The following MPPED2 variants were observed in gnomAD, a reference collection of about 807,000 sequenced individuals.
MPPED2 encodes the protein metallophosphoesterase domain containing 2.
A neutral mutation model predicts 33.0 loss-of-function variants in MPPED2; 5 were observed. The ratio of observed to expected loss-of-function variants is 0.15; its 90% CI spans 0.08 to 0.32. The LOEUF (loss-of-function observed/expected upper bound fraction) is 0.32, where lower values mean the gene tolerates loss of function less well. Among genes scored for constraint, MPPED2 ranks in the 10% least tolerant of loss-of-function variants. The pLI, the probability that MPPED2 is intolerant of heterozygous loss-of-function variation, is 1.00. For missense variants in MPPED2, 275 were observed against 372.1 expected (o/e 0.74, Z 2.15); for synonymous variants, 136 against 141.9 (o/e 0.96, Z 0.29).
chr11:30,462,823 C>T (rs1229517887), intron 4 of MPPED2, among the ~76,000 whole-genome samples: 2 of 152,176 alleles, frequency 1.3e-5, no homozygotes, highest in Non-Finnish European at 2.9e-5. Context: ...GAAAAGGGCA[C>T]AGTCCCTATC....
chr11:30,448,439 A>C (rs547644055), intron 4 of MPPED2, among the ~76,000 whole-genome samples: 1 of 152,266 alleles, frequency 6.6e-6, no homozygotes, highest in African/African-American at 2.4e-5. Flanking sequence ...CTATGGTCTG[A>C]AGCCCAGGCT....
intron 2 of MPPED2, among the ~76,000 whole-genome samples, chr11:30,560,589 C>G (rs963010771): frequency 6.6e-6 from 1 of 152,072 alleles, no homozygotes; most frequent in African/African-American, 2.4e-5. Flanking sequence ...GCCCTAGCTC[C>G]GTAGAATGCC....
intron 4 of MPPED2, among the ~76,000 whole-genome samples, chr11:30,427,917 G>C (rs1423365003): frequency 6.6e-6 from 1 of 152,154 alleles, no homozygotes; most frequent in East Asian, 1.9e-4. Context: ...CTAAATGCAA[G>C]TGGAGCATGG....
intron 4 of MPPED2, among the ~76,000 whole-genome samples, chr11:30,484,019 C>A (rs1565113220): frequency 6.6e-6 from 1 of 152,142 alleles, no homozygotes; most frequent in Non-Finnish European, 1.5e-5. Flanking sequence ...AATGAAAAAT[C>A]AATATGTTGA....
At chr11:30,466,082 T>C (rs1053941004) in intron 4 of MPPED2, among the ~76,000 whole-genome samples, 1 of 152,174 alleles carries the variant, frequency 6.6e-6, no homozygotes, top group Non-Finnish European at 1.5e-5. Context: ...CTTGCTAGAA[T>C]GTAACTCCAT....
chr11:30,437,520 A>AT (rs1446805099), intron 4 of MPPED2, among the ~76,000 whole-genome samples: 1 of 152,178 alleles, frequency 6.6e-6, no homozygotes, highest in Non-Finnish European at 1.5e-5. Context: ...TGTTAGGAGA[A>AT]TAAAAACCTG....
At chr11:30,558,437 G>C (rs562616937) in intron 2 of MPPED2, among the ~76,000 whole-genome samples, 2 of 147,598 alleles carry the variant, frequency 1.4e-5, no homozygotes, top group Non-Finnish European at 3.0e-5. Flanking sequence ...TATTTTTTGA[G>C]ACAAGATCTT....
intron 1 of MPPED2, chr11:30,584,678 C>T (rs1040464912): frequency 5.9e-5 from 9 of 152,696 alleles, no homozygotes; most frequent in Admixed American, 4.6e-4. Context: ...ACGTCCCCGA[C>T]CTCAGCCTCC....
chr11:30,470,714 C>G (rs992560365), intron 4 of MPPED2, among the ~76,000 whole-genome samples: 4 of 152,174 alleles, frequency 2.6e-5, no homozygotes, highest in African/African-American at 9.7e-5. Flanking sequence ...CCCCAAATCT[C>G]CCACTCTTCC....
chr11:30,388,204 T>C (rs1361585057), exon 7 of MPPED2: 2 of 152,306 alleles, frequency 1.3e-5, no homozygotes, highest in Non-Finnish European at 2.9e-5. Flanking sequence ...TCCTAAACTT[T>C]ATTGCCCTAG....
At chr11:30,573,868 AAAAAT>A (rs1956809707) in intron 2 of MPPED2, among the ~76,000 whole-genome samples, 1 of 152,188 alleles carries the variant, frequency 6.6e-6, no homozygotes, top group African/African-American at 2.4e-5. Flanking sequence ...GCAAAAAAAT[AAAAAT>A]AAAAAAGTTT....
At position 30,403,245 on chromosome 11, in the gene MPPED2, TC is replaced by T. The variant is rs1486868602; in HGVS notation, c.766+10982del. Among the ~76,000 whole-genome samples, 4 of 99,476 alleles carry T rather than the reference TC, an allele frequency of 4.0e-5. No individual in the cohort carries two copies. In the Admixed American group the frequency reaches 4.3e-4, roughly 11 times the overall value. 65.3% of individuals were successfully genotyped at this position (99,476 alleles called of 152,430 possible). ...CTGGGCGACAGAGCGAGACTCCGTCTCAAAAAAAAAAAAAAGAAAAGAAAAC... is the reference window on the plus strand; with the variant it reads ...CTGGGCGACAGAGCGAGACTCCGTCTAAAAAAAAAAAAAAGAAAAGAAAAC... On this transcript the variant is annotated intron_variant, in intron 6 of 6. Transcript: ENST00000448418.
Position 30,458,468 on chromosome 11 carries a change from G to T in MPPED2, c.536+36828C>A, listed in dbSNP as rs552897322. Among the ~76,000 whole-genome samples the T allele has an allele frequency of 2.6e-5, 4 of 152,278 alleles. No homozygotes were observed. In the East Asian group the frequency reaches 7.7e-4, roughly 29 times the overall value. On this transcript the variant is annotated intron_variant, in intron 4 of 6. Transcript: ENST00000358117. ...CAGATAATGAAGGGAAAATATTTTA[G>T]AAATCAGCAAAAAGATCACAATTAT...
intron 3 of MPPED2, among the ~76,000 whole-genome samples, chr11:30,516,264 C>A (rs903941468): frequency 1.3e-5 from 2 of 152,134 alleles, no homozygotes; most frequent in South Asian, 2.1e-4. Context: ...AAGGAAAAAA[C>A]AGTGTGCATT....
At chr11:30,485,766 A>G (rs1217028374) in intron 4 of MPPED2, among the ~76,000 whole-genome samples, 1 of 152,184 alleles carries the variant, frequency 6.6e-6, no homozygotes, top group Non-Finnish European at 1.5e-5. Context: ...GGATGTCCCT[A>G]GGCACATGGT....
At chr11:30,417,488 A>G in intron 5 of MPPED2, 30 bp downstream of exon 5, 1 of 1,314,658 alleles carries the variant, frequency 7.6e-7, no homozygotes, top group Non-Finnish European at 1.1e-6. Flanking sequence ...AGGCATCTGG[A>G]TGACAAAGGA....
intron 3 of MPPED2, among the ~76,000 whole-genome samples, chr11:30,532,577 C>T (rs145076873): frequency 3.7e-4 from 56 of 152,244 alleles, no homozygotes; most frequent in African/African-American, 1.3e-3. Context: ...CAGAGCATAT[C>T]CTCACAACCA....
chr11:30,423,509 G>A (rs751305870), intron 4 of MPPED2, among the ~76,000 whole-genome samples: 1 of 152,190 alleles, frequency 6.6e-6, no homozygotes, highest in Admixed American at 6.5e-5. Context: ...GAGCTGGCAG[G>A]TTGGCTGTGC....
chr11:30,461,097 GA>G (rs1209063172), intron 4 of MPPED2, among the ~76,000 whole-genome samples: 1 of 152,180 alleles, frequency 6.6e-6, no homozygotes, highest in Non-Finnish European at 1.5e-5. Context: ...TAGACTAAGT[GA>G]AATAAGCCAG....
Sources: allele counts gnomAD v4.1 joint callset (sites outside exome capture counted in the v4.1 genomes callset), GRCh38; gene constraint gnomAD v4.1.1; transcripts MANE v1.5; gene names NCBI Gene and HGNC (gene_info 2026-07-23, HGNC 2026-07-21).